YLPM1: variants seen among roughly 807,000 people sequenced by gnomAD.
The protein encoded by YLPM1 is YLP motif containing 1, also known as YLP motif-containing protein 1.
In YLPM1, 99 loss-of-function variants were observed where a neutral mutation model predicts 230.0. That is an observed-to-expected ratio of 0.43 (90% CI 0.37 to 0.51). YLPM1 has a LOEUF of 0.51. Among genes scored for constraint, YLPM1 ranks in the 20% least tolerant of loss-of-function variants. YLPM1 has a pLI of 0.00. For synonymous variants in YLPM1, 984 were observed against 942.5 expected, an observed-to-expected ratio of 1.04 and a Z score of -0.81; for missense variants, 2,592 against 2,707.7, an observed-to-expected ratio of 0.96 and a Z score of 0.95.
rs1322691793 is a variant in YLPM1, at chr14:74,781,585, G to A, written c.1542G>A (p.Met514Ile). ...QNMKNQYMGN[M>I]SMPPPFVPYS... ...TGAAGAACCAGTATATGGGGAACAT[G>A]TCAATGCCACCTCCTTTTGTTCCAT... The change falls in exon 4 of 21, where the codon ATG becomes ATA. Residue 514 changes from methionine to isoleucine, a missense_variant. Transcript: ENST00000325680. 9.3e-6 allele frequency: 15 copies of A among 1,613,864 alleles called. No homozygotes were observed. Among genetic ancestry groups the A allele is most frequent in the Non-Finnish European group, 1.2e-5 (14 of 1,179,896 alleles).
chr14:74,769,346 C>T (rs1182432571), intron 1 of YLPM1, among the ~76,000 whole-genome samples: 3 of 137,878 alleles, frequency 2.2e-5, no homozygotes, highest in African/African-American at 7.8e-5. Flanking sequence ...GATCTCGGCT[C>T]ACTGCAACCT....
intron 17 of YLPM1, chr14:74,821,339 A>G: frequency 1.5e-6 from 1 of 686,542 alleles, no homozygotes; most frequent in Non-Finnish European, 2.2e-6. Context: ...TGTTAAGAGA[A>G]AGTTTTAACA....
intron 4 of YLPM1, among the ~76,000 whole-genome samples, chr14:74,784,397 A>G (rs2091126228): frequency 6.6e-6 from 1 of 152,256 alleles, no homozygotes; most frequent in Non-Finnish European, 1.5e-5. Context: ...AGTCTTGCAC[A>G]TATCATCTTA....
intron 4 of YLPM1, among the ~76,000 whole-genome samples, chr14:74,789,971 C>T (rs1221254347): frequency 1.3e-5 from 2 of 151,070 alleles, no homozygotes; most frequent in African/African-American, 4.9e-5. Flanking sequence ...TCACTTTTAA[C>T]TGTATTTGGA....
At chr14:74,813,678 T>C (rs2091454269) in intron 11 of YLPM1, among the ~76,000 whole-genome samples, 4 of 152,182 alleles carry the variant, frequency 2.6e-5, no homozygotes, top group Admixed American at 6.5e-5. Flanking sequence ...ATGCTGGAGT[T>C]TGGGCTTCTA....
chr14:74,787,980 C>T (rs1240095517), intron 4 of YLPM1, among the ~76,000 whole-genome samples: 1 of 151,966 alleles, frequency 6.6e-6, no homozygotes. Flanking sequence ...GTACTCCAGC[C>T]TGGGTGACGG....
At chr14:74,783,143 C>T (rs1461244999) in intron 4 of YLPM1, among the ~76,000 whole-genome samples, 2 of 152,134 alleles carry the variant, frequency 1.3e-5, no homozygotes, top group Non-Finnish European at 2.9e-5. Context: ...TGGCTCAGTG[C>T]AGCCTCTTCC....
At position 74,824,257 on chromosome 14, in the gene YLPM1, G is replaced by C. The variant is rs1189337276; in HGVS notation, c.6113G>C (p.Gly2038Ala). The C allele has an allele frequency of 6.2e-7, 1 of 1,611,946 alleles. No homozygotes were observed. The highest frequency in any genetic ancestry group is 1.3e-5 in the African/African-American group (1 of 74,800). ...AGCTTCTCTCTGTGTACGATTTAGG[G>C]TTACATTCCGAAAAGCAAATGGGAG... ...KDAEEEESEL[G>A]YIPKSKWEMD... is the part of the protein sequence containing the mutation. The change falls in exon 18 of 21, where the codon GGT becomes GCT. Residue 2038 changes from glycine (G) to alanine (A), a missense_variant and splice_region_variant. By Grantham distance (60) the Gly-to-Ala change is moderately conservative. Around this residue, in one of 4 missense-constraint regions of YLPM1, gnomAD observed 315 missense variants for 429.3 expected, o/e 0.73. Transcript: ENST00000325680.
chr14:74,798,650 G>A lies in YLPM1; in HGVS notation c.3353G>A (p.Gly1118Asp), dbSNP rs768430921. The A allele has an allele frequency of 1.2e-5, 20 of 1,611,942 alleles. No individual in the cohort carries two copies. Among genetic ancestry groups the A allele is most frequent in the East Asian group, 4.5e-5 (2 of 44,856 alleles). Residue 1118 changes from glycine (G) to aspartate (D), a missense_variant, in exon 5 of 21, where the codon GGC (glycine) becomes GAC (aspartate). Coordinates refer to ENST00000325680, the MANE Select transcript of YLPM1 (RefSeq NM_019589.3). ...SRERGPPRRA[G>D]SQERGPLRRA... ...GAAAGGGGACCACCTCGGAGGGCTG[G>A]CAGTCAGGAGAGGGGACCTCTTCGA...
chr14:74,778,185 G>T (rs913831576), intron 1 of YLPM1, among the ~76,000 whole-genome samples: 5 of 152,170 alleles, frequency 3.3e-5, no homozygotes, highest in Non-Finnish European at 7.4e-5. Flanking sequence ...ACCTCCAAAA[G>T]CATGTGTTTT....
At chr14:74,814,516 C>T (rs759992574) in intron 11 of YLPM1, among the ~76,000 whole-genome samples, 26 of 152,056 alleles carry the variant, frequency 1.7e-4, no homozygotes, top group Non-Finnish European at 2.8e-4. Context: ...TTGAGATGAT[C>T]GTGTGATTTT....
intron 1 of YLPM1, among the ~76,000 whole-genome samples, chr14:74,766,669 G>T (rs1433978741): frequency 6.8e-6 from 1 of 147,738 alleles, no homozygotes; most frequent in Non-Finnish European, 1.5e-5. Context: ...GTAGAGACGG[G>T]GTTTTGCTAT....
intron 1 of YLPM1, among the ~76,000 whole-genome samples, chr14:74,769,431 C>T (rs1022801883): frequency 4.0e-5 from 6 of 150,664 alleles, no homozygotes; most frequent in South Asian, 2.1e-4. Flanking sequence ...GGATTACAGG[C>T]GCCTGCCACC....
rs149081999 is a variant in YLPM1 at position 74,802,810 on chromosome 14, T to G, written c.4521+134T>G. The G allele has an allele frequency of 1.5e-3, 1,721 of 1,146,304 alleles. 9 individuals carry two copies. The highest frequency in any genetic ancestry group is 4.4e-3 in the South Asian group (229 of 52,022). 71.0% of individuals were successfully genotyped at this position (1,146,304 alleles called of 1,614,324 possible). ...TGTAAATTTTGGAAACTTAAAAGTT[T>G]ATGGTAATTGAACTTTGAACACCTT... On this transcript the variant is annotated intron_variant, in intron 6 of 20. Transcript: ENST00000325680.
chr14:74,805,506 C>CTAA (rs2091368972), intron 6 of YLPM1, among the ~76,000 whole-genome samples: 1 of 150,578 alleles, frequency 6.6e-6, no homozygotes, highest in South Asian at 2.1e-4. Context: ...CTACGCCTGG[C>CTAA]TAATAATAAA....
At position 74,802,672 on chromosome 14, in the gene YLPM1, A is replaced by G. The variant is rs752722858; in HGVS notation, c.4517A>G (p.Tyr1506Cys). ...AATACATCTTCAAGACCTGGAATGT[A>G]TCCGGTATGGGAGAATGTGTGCTCA... ...LQNTSSRPGM[Y>C]PPPGSYRPPP... Residue 1506 changes from tyrosine (Y) to cysteine (C), a missense_variant, in exon 6 of 21, where the codon TAT (tyrosine) becomes TGT (cysteine). By Grantham distance (194) the Tyr-to-Cys change is radical (BLOSUM62 -2). Coordinates refer to ENST00000325680, the MANE Select transcript of YLPM1 (RefSeq NM_019589.3). 1.9e-6 allele frequency: 3 copies of G among 1,606,450 alleles called. No individual in the cohort carries two copies. The highest frequency in any genetic ancestry group is 2.2e-5 in the South Asian group (2 of 89,536).
At position 74,769,259 on chromosome 14, in the gene YLPM1, C is replaced by CTTTTT. The variant is rs34023289; in HGVS notation, c.873+4922_873+4926dup. ...CCGGCTAATTTTTTTGTATTTTTATCTTTTTTTTTTTTTTTTTTTTTTTTT... is the reference window on the plus strand; with the variant it reads ...CCGGCTAATTTTTTTGTATTTTTATCTTTTTTTTTTTTTTTTTTTTTTTTTTTTTT... On this transcript the variant is annotated intron_variant, in intron 1 of 20. Transcript: ENST00000325680. Among the ~76,000 whole-genome samples, 65 of 38,412 alleles carry CTTTTT rather than the reference C, an allele frequency of 1.7e-3. 4 individuals are homozygous for CTTTTT. The highest frequency in any genetic ancestry group is 6.9e-3 in the East Asian group (6 of 868). 25.2% of individuals were successfully genotyped at this position (38,412 alleles called of 152,430 possible).
chr14:74,804,203 T>G (rs1328919485), intron 6 of YLPM1, among the ~76,000 whole-genome samples: 1 of 152,140 alleles, frequency 6.6e-6, no homozygotes, highest in Non-Finnish European at 1.5e-5. Flanking sequence ...TAAAAAGTTC[T>G]CTCATGCCCT....
chr14:74,810,244 T>C lies in YLPM1; in HGVS notation c.5052T>C (p.Asp1684=). ...TFETEHAGQR[D]RYDRERDREP... Reference sequence around the variant, plus strand: ...TTGTAGAGCATGCAGGCCAACGTGATCGTTATGATAGAGAAAGAGATCGTG... The same window carrying C: ...TTGTAGAGCATGCAGGCCAACGTGACCGTTATGATAGAGAAAGAGATCGTG... The change falls in exon 9 of 21, where the codon GAT becomes GAC. Residue 1684 remains aspartate, a synonymous_variant. Coordinates refer to ENST00000325680, the MANE Select transcript of YLPM1 (RefSeq NM_019589.3). 6.2e-7 allele frequency: 1 copy of C among 1,613,876 alleles called. No homozygotes were observed. The highest frequency in any genetic ancestry group is 8.5e-7 in the Non-Finnish European group (1 of 1,179,858).
Sources: gnomAD v4.1 joint callset for allele counts (sites outside exome capture counted in the v4.1 genomes callset) on GRCh38, gnomAD v4.1.1 for gene constraint, gnomAD v4.1.1 regional missense constraint, MANE v1.5 for transcripts, NCBI Gene and HGNC (gene_info 2026-07-23, HGNC 2026-07-21) for gene names.